Variants in UNC5D observed in about 807,000 individuals in gnomAD.
UNC5D encodes unc-5 netrin receptor D.
A neutral mutation model predicts 105.4 loss-of-function variants in UNC5D; 39 were observed. That is an observed-to-expected ratio of 0.37 (90% confidence interval 0.29 to 0.48). The LOEUF is 0.48. Ranked by LOEUF, UNC5D falls within the 20% of genes least tolerant of loss-of-function variation. The pLI is 0.98. For missense variants in UNC5D, 991 were observed against 1,202.4 expected (o/e 0.82, Z 2.60); for synonymous variants, 452 against 450.4 (o/e 1.00, Z -0.04).
intron 4 of UNC5D, among the ~76,000 whole-genome samples, chr8:35,634,144 A>T (rs920596947): frequency 1.3e-5 from 2 of 152,202 alleles, no homozygotes; most frequent in Non-Finnish European, 2.9e-5. Context: ...TGTTGTTAAC[A>T]TTTAAAATCA....
rs566818504 is a variant in UNC5D at position 35,287,376 on chromosome 8, G to A, written c.103+51489G>A. Among the ~76,000 whole-genome samples, 9 of 152,226 alleles carry A rather than the reference G, an allele frequency of 5.9e-5. No homozygotes were observed. In the East Asian group the frequency reaches 1.7e-3, roughly 29 times the overall value. The stretch of plus-strand genomic sequence containing the variant: ...AAATACAGATAGAGAATTAAGTGAA[G>A]TTTAGAAAACAGTTTATAAACAAAA... On this transcript the variant is annotated intron_variant, in intron 1 of 16. Coordinates refer to ENST00000404895, the MANE Select transcript of UNC5D (RefSeq NM_080872.4).
intron 1 of UNC5D, among the ~76,000 whole-genome samples, chr8:35,253,169 TCTC>T (rs1315048376): frequency 2.9e-4 from 44 of 151,916 alleles, no homozygotes; most frequent in African/African-American, 9.4e-4. Flanking sequence ...TGGAACTTCT[TCTC>T]CCACTTTGAT....
intron 1 of UNC5D, among the ~76,000 whole-genome samples, chr8:35,416,891 G>T (rs1010144533): frequency 6.6e-6 from 1 of 152,046 alleles, no homozygotes; most frequent in Non-Finnish European, 1.5e-5. Context: ...CTATTTGAGG[G>T]TTCTTTATTT....
chr8:35,478,747 T>A (rs1162637472), intron 1 of UNC5D, among the ~76,000 whole-genome samples: 2 of 152,184 alleles, frequency 1.3e-5, no homozygotes, highest in Non-Finnish European at 2.9e-5. Flanking sequence ...CATTCTATGC[T>A]TTTTGATCAA....
At chr8:35,512,569 A>ATATATCTATCTC (rs539399345) in intron 1 of UNC5D, among the ~76,000 whole-genome samples, 1 of 64,840 alleles carries the variant, frequency 1.5e-5, no homozygotes, top group Non-Finnish European at 2.6e-5. Flanking sequence ...ATATATATAT[A>ATATATCTATCTC]TCTGAATAGA....
chr8:35,578,184 C>A (rs1818215947), intron 3 of UNC5D, among the ~76,000 whole-genome samples: 1 of 130,958 alleles, frequency 7.6e-6, no homozygotes, highest in African/African-American at 3.0e-5. Context: ...GAAATCATGT[C>A]ATTGCACTCC....
chr8:35,361,183 T>C (rs1457431201), intron 1 of UNC5D, among the ~76,000 whole-genome samples: 2 of 152,072 alleles, frequency 1.3e-5, no homozygotes, highest in African/African-American at 4.8e-5. Context: ...GGGAAGAGCT[T>C]TGGACTGGGA....
chr8:35,567,862 A>G (rs778586709), intron 2 of UNC5D, among the ~76,000 whole-genome samples: 1 of 152,202 alleles, frequency 6.6e-6, no homozygotes, highest in African/African-American at 2.4e-5. Flanking sequence ...TGTGAGAACT[A>G]TTCTATTGCA....
chr8:35,695,791 G>A (rs1280161891), intron 7 of UNC5D, among the ~76,000 whole-genome samples: 2 of 151,628 alleles, frequency 1.3e-5, no homozygotes, highest in East Asian at 1.9e-4. Context: ...CTGGAATGCA[G>A]TGGCACAATC....
chr8:35,527,037 A>G (rs1223906546), intron 1 of UNC5D, among the ~76,000 whole-genome samples: 1 of 152,210 alleles, frequency 6.6e-6, no homozygotes, highest in African/African-American at 2.4e-5. Flanking sequence ...TCACTTAGAG[A>G]AAAGATTTTT....
At chr8:35,789,816 AT>A (rs1405187577) in intron 16 of UNC5D, among the ~76,000 whole-genome samples, 1 of 152,064 alleles carries the variant, frequency 6.6e-6, no homozygotes. Flanking sequence ...GGGGTCAAAT[AT>A]TTTGAAAAAA....
At chr8:35,488,969 G>A (rs571732911) in intron 1 of UNC5D, among the ~76,000 whole-genome samples, 9 of 151,906 alleles carry the variant, frequency 5.9e-5, no homozygotes, top group Non-Finnish European at 8.8e-5. Flanking sequence ...GGGGCGGGCC[G>A]TATAAGGCAG....
At chr8:35,747,694 T>G (rs1211430932) in intron 11 of UNC5D, among the ~76,000 whole-genome samples, 1 of 152,154 alleles carries the variant, frequency 6.6e-6, no homozygotes, top group Admixed American at 6.5e-5. Context: ...TCCTTACCGT[T>G]TGGGGGCACA....
chr8:35,437,723 G>T (rs1385704637), intron 1 of UNC5D, among the ~76,000 whole-genome samples: 1 of 151,960 alleles, frequency 6.6e-6, no homozygotes, highest in African/African-American at 2.4e-5. Flanking sequence ...AAACCTTGTG[G>T]GGCCTTCTGT....
At chr8:35,384,522 T>G (rs945568598) in intron 1 of UNC5D, among the ~76,000 whole-genome samples, 1 of 152,202 alleles carries the variant, frequency 6.6e-6, no homozygotes. Context: ...CTGTTGTTAA[T>G]GCTTGTTTAT....
chr8:35,328,055 GT>G (rs1421661755), intron 1 of UNC5D, among the ~76,000 whole-genome samples: 1 of 152,048 alleles, frequency 6.6e-6, no homozygotes, highest in Non-Finnish European at 1.5e-5. Context: ...TTTTTTGTTT[GT>G]TTGTTTGTTT....
intron 1 of UNC5D, among the ~76,000 whole-genome samples, chr8:35,513,716 T>C (rs982825077): frequency 6.6e-6 from 1 of 152,164 alleles, no homozygotes; most frequent in South Asian, 2.1e-4. Flanking sequence ...TTTTGTCTCC[T>C]TTTTTTGCTG....
chr8:35,673,267 G>A (rs886627043), intron 4 of UNC5D, among the ~76,000 whole-genome samples: 1 of 152,140 alleles, frequency 6.6e-6, no homozygotes, highest in Non-Finnish European at 1.5e-5. Flanking sequence ...GAGAGGACAG[G>A]TGACATCTAA....
chr8:35,269,052 A>C (rs1445186457), intron 1 of UNC5D, among the ~76,000 whole-genome samples: 1 of 152,176 alleles, frequency 6.6e-6, no homozygotes, highest in Non-Finnish European at 1.5e-5. Flanking sequence ...ACTAGAAGAG[A>C]ATATTTAAAT....
Sources: allele counts gnomAD v4.1 joint callset (sites outside exome capture counted in the v4.1 genomes callset), GRCh38; gene constraint gnomAD v4.1.1; transcripts MANE v1.5; gene names NCBI Gene and HGNC (gene_info 2026-07-23, HGNC 2026-07-21).